Variants in DPP6 observed in about 807,000 individuals in gnomAD.
DPP6 encodes A-type potassium channel modulatory protein DPP6.
Under a neutral mutation model 122.6 loss-of-function variants are expected in DPP6, and 69 were observed. The observed-to-expected ratio is 0.56, with a 90% CI of 0.46 to 0.69. The LOEUF is 0.69. DPP6 is among the 30% of genes least tolerant of loss of function. The pLI, the probability that DPP6 is intolerant of heterozygous loss-of-function variation, is 0.00. For missense variants in DPP6, 928 were observed against 1,116.9 expected (o/e 0.83, Z 2.41); for synonymous variants, 418 against 433.1 (o/e 0.97, Z 0.43).
At chr7:154,497,979 G>T (rs188833438) in intron 3 of DPP6, among the ~76,000 whole-genome samples, 1 of 152,112 alleles carries the variant, frequency 6.6e-6, no homozygotes, top group Non-Finnish European at 1.5e-5. Flanking sequence ...AGGACGCGTT[G>T]TGTCTCTATC....
chr7:154,727,913 G>A, intron 8 of DPP6, 26 bp downstream of exon 8: 2 of 1,562,162 alleles, frequency 1.3e-6, no homozygotes, highest in Non-Finnish European at 1.7e-6. Flanking sequence ...AGAGAAAAAA[G>A]GAAGATTTGT....
At chr7:154,831,455 T>C (rs2150523258) in intron 16 of DPP6, among the ~76,000 whole-genome samples, 1 of 152,366 alleles carries the variant, frequency 6.6e-6, no homozygotes, top group South Asian at 2.1e-4. Flanking sequence ...AAAGGGAGGC[T>C]GCTGAAAGGA....
chr7:154,295,280 C>T (rs1213040995), intron 1 of DPP6, among the ~76,000 whole-genome samples: 9 of 152,112 alleles, frequency 5.9e-5, no homozygotes, highest in South Asian at 2.1e-4. Context: ...ACCTGAACAC[C>T]GAATTTAGGG....
the DPP6 span, among the ~76,000 whole-genome samples, chr7:153,788,701 C>T: frequency 3.3e-5 from 5 of 152,116 alleles, no homozygotes; most frequent in Admixed American, 1.3e-4. Flanking sequence ...CAGTGGCTCA[C>T]GCCTGTAATC....
chr7:154,577,078 G>A (rs1228541701), intron 5 of DPP6, among the ~76,000 whole-genome samples: 1 of 152,044 alleles, frequency 6.6e-6, no homozygotes, highest in East Asian at 1.9e-4. Context: ...AAATATGAAG[G>A]ACGGGTCAAG....
intron 1 of DPP6, among the ~76,000 whole-genome samples, chr7:154,102,601 G>T (rs1805829435): frequency 6.6e-6 from 1 of 152,106 alleles, no homozygotes; most frequent in Non-Finnish European, 1.5e-5. Flanking sequence ...TGTCTCCTCA[G>T]CTTGAGTGTG....
At chr7:154,761,861 C>G (rs954345699) in intron 8 of DPP6, among the ~76,000 whole-genome samples, 1 of 152,160 alleles carries the variant, frequency 6.6e-6, no homozygotes, top group African/African-American at 2.4e-5. Flanking sequence ...CACCCCATGA[C>G]AGGCCCTGGT....
chr7:154,402,688 TG>T (rs1815736890), intron 1 of DPP6, among the ~76,000 whole-genome samples: 1 of 150,940 alleles, frequency 6.6e-6, no homozygotes, highest in South Asian at 2.1e-4. Context: ...GCATGGCACA[TG>T]TATACATATG....
chr7:154,334,694 G>A (rs114600696), intron 1 of DPP6, among the ~76,000 whole-genome samples: 2 of 152,246 alleles, frequency 1.3e-5, no homozygotes, highest in African/African-American at 4.8e-5. Context: ...TCAGAAGTTC[G>A]AGATCAGTCT....
intron 1 of DPP6, chr7:154,305,293 C>G: frequency 7.6e-7 from 1 of 1,324,358 alleles, no homozygotes; most frequent in South Asian, 2.3e-5. Flanking sequence ...GCTTCGGATC[C>G]TCTCTCTGCT....
At position 154,267,604 on chromosome 7, in the gene DPP6, TG is replaced by T. The variant is rs530950687; in HGVS notation, c.244-178609del. The stretch of plus-strand genomic sequence containing the variant: ...ATGTGCACATACATATATATGTGCA[TG>T]TATATATCCCTTACATATACACACA... On this transcript the variant is annotated intron_variant, in intron 1 of 25. Coordinates refer to ENST00000377770, the MANE Select transcript of DPP6 (RefSeq NM_130797.4). 4.0e-5 allele frequency among the ~76,000 whole-genome samples: 6 copies of T among 151,280 alleles called. No individual in the cohort carries two copies. In the South Asian group the frequency reaches 1.2e-3, roughly 31 times the overall value.
rs911339430 is a variant in DPP6, at chr7:154,875,053, T to C, written c.1884-853T>C. Reference sequence around the variant, plus strand: ...AGGTCAAGCCTGCAGTGAACCAAGATTGTGCCACTGCACTCCAGCCTGGCC... The same window carrying C: ...AGGTCAAGCCTGCAGTGAACCAAGACTGTGCCACTGCACTCCAGCCTGGCC... On this transcript the variant is annotated intron_variant, in intron 19 of 25. Coordinates refer to ENST00000377770, the MANE Select transcript of DPP6 (RefSeq NM_130797.4). This position sits in a 1 kb window ranked among gnomAD's most constrained non-coding sequence, Gnocchi z 4.5. Among the ~76,000 whole-genome samples the C allele has an allele frequency of 1.3e-4, 19 of 151,634 alleles. No individual in the cohort carries two copies. The highest frequency in any genetic ancestry group is 4.4e-4 in the African/African-American group (18 of 41,284).
Position 154,870,139 on chromosome 7 carries a change from A to G in DPP6, c.1813+2046A>G, listed in dbSNP as rs1373614249. Among the ~76,000 whole-genome samples, 4 of 133,812 alleles carry G rather than the reference A, an allele frequency of 3.0e-5. No homozygotes were observed. The Admixed American group carries it at 3.3e-4, about 11-fold the overall frequency. 87.8% of individuals were successfully genotyped at this position (133,812 alleles called of 152,430 possible). On this transcript the variant is annotated intron_variant, in intron 18 of 25. Coordinates refer to ENST00000377770, the MANE Select transcript of DPP6 (RefSeq NM_130797.4). ...GGACCACAGGCAGGCCACATGCCCA[A>G]CTAATTCTTTTTTTTTTTTTTTTTT...
At chr7:154,263,462 C>G (rs1803167072) in intron 1 of DPP6, among the ~76,000 whole-genome samples, 1 of 152,142 alleles carries the variant, frequency 6.6e-6, no homozygotes, top group Admixed American at 6.5e-5. Flanking sequence ...CTAGATCAAC[C>G]TCCCACAAGC....
chr7:153,994,929 A>G (rs71530469), intron 1 of DPP6, among the ~76,000 whole-genome samples: 2 of 152,218 alleles, frequency 1.3e-5, no homozygotes, highest in Non-Finnish European at 2.9e-5. Flanking sequence ...TAGGTGAAAT[A>G]TGCTCCAGCA....
chr7:154,180,209 A>G (rs1451324272), intron 1 of DPP6, among the ~76,000 whole-genome samples: 1 of 151,734 alleles, frequency 6.6e-6, no homozygotes, highest in East Asian at 1.9e-4. Context: ...TTAGCCAGGC[A>G]TGGTAGTGCG....
At chr7:154,582,863 C>T (rs929542316) in intron 5 of DPP6, among the ~76,000 whole-genome samples, 2 of 152,270 alleles carry the variant, frequency 1.3e-5, no homozygotes, top group East Asian at 3.9e-4. Flanking sequence ...GCCACCCAGC[C>T]CCTGGGGAAC....
In DPP6 at chr7:154,425,852, AG is replaced by A. The variant is rs535250174; in HGVS notation, c.244-20360del. 7.2e-5 allele frequency among the ~76,000 whole-genome samples: 11 copies of A among 152,182 alleles called. No individual in the cohort carries two copies. The East Asian group carries it at 1.9e-3, about 27-fold the overall frequency. On this transcript the variant is annotated intron_variant, in intron 1 of 25. Coordinates refer to ENST00000377770, the MANE Select transcript of DPP6 (RefSeq NM_130797.4). ...GAGATGGGGTCTCTCTATGTTGCCC[AG>A]GCTGATTTTGAACTCTTGGTCTCAA...
In DPP6 at chr7:154,261,204, G is replaced by T. The variant is rs538741159; in HGVS notation, c.244-185010G>T. On this transcript the variant is annotated intron_variant, in intron 1 of 25. Coordinates refer to ENST00000377770, the MANE Select transcript of DPP6 (RefSeq NM_130797.4). ...CTGCCACGCCCAGCCAATTCTTTTA[G>T]TTTTTTAAGGAATCTCCACACTGTT... Among the ~76,000 whole-genome samples, 133 of 152,230 alleles carry T rather than the reference G, an allele frequency of 8.7e-4. 1 individual carries two copies. Among genetic ancestry groups the T allele is most frequent in the Middle Eastern group, 3.4e-3 (1 of 294 alleles).
Sources: gnomAD v4.1 joint callset for allele counts (sites outside exome capture counted in the v4.1 genomes callset) on GRCh38, gnomAD v4.1.1 for gene constraint, Gnocchi (gnomAD v3.1) non-coding constraint, MANE v1.5 for transcripts, NCBI Gene and HGNC (gene_info 2026-07-23, HGNC 2026-07-21) for gene names.